Variants in FZR1 observed in about 807,000 individuals in gnomAD.
The protein encoded by FZR1 is fizzy-related protein homolog.
FZR1 carries 11 observed loss-of-function variants against 63.6 expected under a neutral mutation model. The observed-to-expected ratio is 0.17, with a 90% CI of 0.11 to 0.29. The LOEUF is 0.29. FZR1 is among the 10% of genes least tolerant of loss of function. The pLI, the probability that FZR1 is intolerant of heterozygous loss-of-function variation, is 1.00. For missense variants in FZR1, 440 were observed against 687.5 expected (o/e 0.64, Z 4.03); for synonymous variants, 328 against 297.9 (o/e 1.10, Z -1.04).
chr19:3,528,782 C>CGTGGATGGGAGA (rs1165984224), intron 7 of FZR1, among the ~76,000 whole-genome samples: 4 of 59,156 alleles, frequency 6.8e-5, no homozygotes, highest in Non-Finnish European at 1.4e-4. Context: ...TGGATGGGTG[C>CGTGGATGGGAGA]GTGGATGGGA....
chr19:3,520,543 G>A (rs1182904302), intron 1 of FZR1, among the ~76,000 whole-genome samples: 2 of 152,208 alleles, frequency 1.3e-5, no homozygotes, highest in Non-Finnish European at 2.9e-5. Context: ...GAGGGGACAC[G>A]AGATAAGCCA....
rs574046496 is a variant in FZR1 at position 3,525,134 on chromosome 19, T to A, written c.70-734T>A. Among the ~76,000 whole-genome samples, 49 of 152,288 alleles carry A rather than the reference T, an allele frequency of 3.2e-4. No homozygotes were observed. The highest frequency in any genetic ancestry group is 1.1e-3 in the African/African-American group (46 of 41,562). Reference sequence around the variant, plus strand: ...GGTGGCTCTGGGTACAGCTGTTGCGTGTCTTGTGCCGTCAAGGCCTGCGTC... The same window carrying A: ...GGTGGCTCTGGGTACAGCTGTTGCGAGTCTTGTGCCGTCAAGGCCTGCGTC... On this transcript the variant is annotated intron_variant, in intron 2 of 13. Transcript: ENST00000441788. This position sits in a 1 kb window ranked among gnomAD's most constrained non-coding sequence, Gnocchi z 4.2.
At position 3,513,769 on chromosome 19, in the gene FZR1, G is replaced by A. The variant is rs187684137; in HGVS notation, c.-35+7295G>A. On this transcript the variant is annotated intron_variant, in intron 1 of 13. Coordinates refer to ENST00000441788, the MANE Select transcript of FZR1 (RefSeq NM_016263.4). ...ACGTCCCCTGTGGGTAGCAAGTGCC[G>A]CCTCACCTGCAGGCTGGAGTTACCC... 1.1e-3 allele frequency among the ~76,000 whole-genome samples: 167 copies of A among 152,194 alleles called. 1 individual carries two copies. The highest frequency in any genetic ancestry group is 4.6e-4 in the Non-Finnish European group (31 of 67,994).
rs2083274885 is a variant in FZR1, at chr19:3,534,226, TTA to T, written c.1348-194_1348-193del. The T allele has an allele frequency of 7.2e-5, 28 of 391,118 alleles. No individual in the cohort carries two copies. In the East Asian group the frequency reaches 1.1e-3, roughly 16 times the overall value. The allele number at this position is 391,118 out of a possible 1,614,324, so 24.2% of individuals were successfully genotyped here. ...GACAGAGCCAGACCCCGTCTTAAAA[TTA>T]AAAAAAAAAAAAAAAAAAAGGCTCC... On this transcript the variant is annotated intron_variant, in intron 12 of 13. Coordinates refer to ENST00000441788, the MANE Select transcript of FZR1 (RefSeq NM_016263.4).
chr19:3,522,245 C>A (rs1042746793), intron 1 of FZR1, among the ~76,000 whole-genome samples: 1 of 152,240 alleles, frequency 6.6e-6, no homozygotes, highest in Admixed American at 6.5e-5. Flanking sequence ...GTACAAACCC[C>A]CTTCCTGCCT....
At position 3,525,546 on chromosome 19, in the gene FZR1, C is replaced by T. The variant is rs1007290183; in HGVS notation, c.70-322C>T. Among the ~76,000 whole-genome samples, 12 of 149,970 alleles carry T rather than the reference C, an allele frequency of 8.0e-5. No homozygotes were observed. Among genetic ancestry groups the T allele is most frequent in the Non-Finnish European group, 1.6e-4 (11 of 67,824 alleles). ...CAAGCTCCGCCTCCCAGGTTCATGC[C>T]ATTCTCCTGCCTCAGCCTCCCGAGT... On this transcript the variant is annotated intron_variant, in intron 2 of 13. Coordinates refer to ENST00000441788, the MANE Select transcript of FZR1 (RefSeq NM_016263.4). The surrounding 1 kb of genome is among the most constrained non-coding windows in gnomAD (Gnocchi z 4.2).
rs929079132 is a variant in FZR1, at chr19:3,531,576, G to C, written c.721-138G>C. Reference sequence around the variant, plus strand: ...AGGGGGGTTTATGCTTCTTCCGAAGGGACGTGCATTCGAGAGTCGTTAGGG... The same window carrying C: ...AGGGGGGTTTATGCTTCTTCCGAAGCGACGTGCATTCGAGAGTCGTTAGGG... On this transcript the variant is annotated intron_variant, in intron 8 of 13. Transcript: ENST00000441788. 9.6e-6 allele frequency: 6 copies of C among 622,450 alleles called. No individual in the cohort carries two copies. In the Admixed American group the frequency reaches 1.6e-4, roughly 16 times the overall value. The allele number at this position is 622,450 out of a possible 1,614,324, so 38.6% of individuals were successfully genotyped here.
intron 1 of FZR1, among the ~76,000 whole-genome samples, chr19:3,519,974 T>TG (rs2083086941): frequency 6.6e-6 from 1 of 151,496 alleles, no homozygotes; most frequent in Non-Finnish European, 1.5e-5. Flanking sequence ...ACAGCTCTCG[T>TG]GGGGCTCAGG....
Position 3,526,912 on chromosome 19 carries a change from C to A in FZR1, c.388-68C>A. 3.7e-6 allele frequency: 4 copies of A among 1,089,438 alleles called. No individual in the cohort carries two copies. Among genetic ancestry groups the A allele is most frequent in the Non-Finnish European group, 2.8e-6 (2 of 713,072 alleles). The allele number at this position is 1,089,438 out of a possible 1,614,324, so 67.5% of individuals were successfully genotyped here. On this transcript the variant is annotated intron_variant, in intron 5 of 13. Coordinates refer to ENST00000441788, the MANE Select transcript of FZR1 (RefSeq NM_016263.4). This position sits in a 1 kb window ranked among gnomAD's most constrained non-coding sequence, Gnocchi z 5.4. Reference sequence around the variant, plus strand: ...CTATGAGCTGTACCGGGAGCGTGGGCTGCTGGGGGGCTCTGAGGGTCCTGC... The same window carrying A: ...CTATGAGCTGTACCGGGAGCGTGGGATGCTGGGGGGCTCTGAGGGTCCTGC...
chr19:3,521,489 C>T (rs1389643334), intron 1 of FZR1, among the ~76,000 whole-genome samples: 1 of 151,438 alleles, frequency 6.6e-6, no homozygotes, highest in Admixed American at 6.6e-5. Context: ...ATGTGATTAA[C>T]ACCACTGAAC....
intron 1 of FZR1, among the ~76,000 whole-genome samples, chr19:3,522,729 G>A (rs1016313576): frequency 4.6e-5 from 7 of 152,206 alleles, no homozygotes; most frequent in Admixed American, 1.3e-4. Flanking sequence ...CGGGCAGGAG[G>A]ACAGGGTGTG....
chr19:3,532,212 T>C, intron 10 of FZR1, 117 bp downstream of exon 10: 1 of 1,027,524 alleles, frequency 9.7e-7, no homozygotes, highest in Non-Finnish European at 1.4e-6. Context: ...TCCACAGCCA[T>C]CAGCAGGGCA....
At chr19:3,523,199 TCCGCCTCCTGGGCTGTCAGGGTTG>T in intron 2 of FZR1, 141 bp downstream of exon 2, 1 of 691,654 alleles carries the variant, frequency 1.4e-6, no homozygotes, top group Non-Finnish European at 2.7e-6. Flanking sequence ...ACACGGGGCC[TCCGCCTCCTGGGCTGTCAGGGTTG>T]CCGCCACCCC....
Position 3,533,243 on chromosome 19 carries a change from C to T in FZR1, c.1243-51C>T, listed in dbSNP as rs1368607275. The stretch of plus-strand genomic sequence containing the variant: ...GGTGCATGTGAGGCAGCAGGCATAG[C>T]ACCCGGCCTCGTTGCCCCTCACCGA... On this transcript the variant is annotated intron_variant, in intron 11 of 13. Coordinates refer to ENST00000441788, the MANE Select transcript of FZR1 (RefSeq NM_016263.4). The surrounding 1 kb of genome is among the most constrained non-coding windows in gnomAD (Gnocchi z 4.9). 1 of 1,116,050 alleles carries T rather than the reference C, an allele frequency of 9.0e-7. No homozygotes were observed. Among genetic ancestry groups the T allele is most frequent in the Non-Finnish European group, 1.4e-6 (1 of 731,608 alleles). The allele number at this position is 1,116,050 out of a possible 1,614,324, so 69.1% of individuals were successfully genotyped here.
In FZR1 at chr19:3,531,903, G is replaced by A; in HGVS notation, c.824-8G>A. Reference sequence around the variant, plus strand: ...AGAGGCTCACCCCCGCTTCCACCTGGCCTCCAGGGGCGCTGGCCTGGAATG... The same window carrying A: ...AGAGGCTCACCCCCGCTTCCACCTGACCTCCAGGGGCGCTGGCCTGGAATG... On this transcript the variant is annotated splice_polypyrimidine_tract_variant and splice_region_variant and intron_variant, in intron 9 of 13. Coordinates refer to ENST00000441788, the MANE Select transcript of FZR1 (RefSeq NM_016263.4). 1.3e-6 allele frequency: 2 copies of A among 1,588,874 alleles called. No homozygotes were observed. The highest frequency in any genetic ancestry group is 1.7e-6 in the Non-Finnish European group (2 of 1,170,212).
Position 3,514,764 on chromosome 19 carries a change from C to T in FZR1, c.-34-8192C>T, listed in dbSNP as rs987497529. On this transcript the variant is annotated intron_variant, in intron 1 of 13. Coordinates refer to ENST00000441788, the MANE Select transcript of FZR1 (RefSeq NM_016263.4). The surrounding 1 kb of genome is among the most constrained non-coding windows in gnomAD (Gnocchi z 4.2). The stretch of plus-strand genomic sequence containing the variant: ...GTCTGGTGTGAGCAGGGGCCGACTC[C>T]ATTTTTTTCCACATATTTATCCCAG... Among the ~76,000 whole-genome samples the T allele has an allele frequency of 1.3e-5, 2 of 152,190 alleles. No individual in the cohort carries two copies. Among genetic ancestry groups the T allele is most frequent in the Non-Finnish European group, 2.9e-5 (2 of 68,022 alleles).
chr19:3,514,934 G>C lies in FZR1; in HGVS notation c.-34-8022G>C, dbSNP rs1437553932. The stretch of plus-strand genomic sequence containing the variant: ...GGAGGCCTCCTGGCTCTTCATTCTG[G>C]GGCCCAGGGGGTGAAAGGTGGACCT... On this transcript the variant is annotated intron_variant, in intron 1 of 13. Transcript: ENST00000441788. The surrounding 1 kb of genome is among the most constrained non-coding windows in gnomAD (Gnocchi z 4.2). Among the ~76,000 whole-genome samples the C allele has an allele frequency of 6.6e-6, 1 of 152,156 alleles. No homozygotes were observed.
Position 3,527,846 on chromosome 19 carries a change from G to A in FZR1, c.654+32G>A, listed in dbSNP as rs751548377. On this transcript the variant is annotated intron_variant, in intron 7 of 13. Coordinates refer to ENST00000441788, the MANE Select transcript of FZR1 (RefSeq NM_016263.4). ...GCTGCGTGGGGTGTGCATGTGCATG[G>A]GGGCCTCCCCAGCTCCCAGCAGACC... 3.2e-6 allele frequency: 5 copies of A among 1,556,388 alleles called. No individual in the cohort carries two copies. In the South Asian group the frequency reaches 5.6e-5, roughly 18 times the overall value.
chr19:3,528,462 G>A (rs1035002590), intron 7 of FZR1, among the ~76,000 whole-genome samples: 2 of 152,234 alleles, frequency 1.3e-5, no homozygotes, highest in African/African-American at 2.4e-5. Context: ...AGCAGGAGCC[G>A]TGTAGCTCTG....
Sources: allele counts gnomAD v4.1 joint callset (sites outside exome capture counted in the v4.1 genomes callset), GRCh38; gene constraint gnomAD v4.1.1; non-coding constraint Gnocchi (gnomAD v3.1); transcripts MANE v1.5; gene names NCBI Gene and HGNC (gene_info 2026-07-23, HGNC 2026-07-21).